LRRC74A: variants seen among roughly 807,000 people sequenced by gnomAD.
LRRC74A encodes leucine-rich repeat-containing protein 74A.
A neutral mutation model predicts 57.9 loss-of-function variants in LRRC74A; 44 were observed. The ratio of observed to expected loss-of-function variants is 0.76; its 90% CI spans 0.60 to 0.98. The LOEUF (loss-of-function observed/expected upper bound fraction) is 0.98. Among genes scored for constraint, LRRC74A ranks in the 50% least tolerant of loss-of-function variants. The pLI is 0.00. For missense variants in LRRC74A, 572 were observed against 574.0 expected (o/e 1.00, Z 0.04); for synonymous variants, 211 against 219.4 (o/e 0.96, Z 0.34).
chr14:76,861,280 C>T (rs1158488876), intron 11 of LRRC74A, among the ~76,000 whole-genome samples: 1 of 152,242 alleles, frequency 6.6e-6, no homozygotes, highest in Non-Finnish European at 1.5e-5. Flanking sequence ...ATAGAACAAG[C>T]ACCTGCTTAT....
In LRRC74A at chr14:76,826,625, A is replaced by G; in HGVS notation, c.-73A>G. On this transcript the variant is annotated 5_prime_UTR_variant, in exon 1 of 14. Coordinates refer to ENST00000689127, the MANE Select transcript of LRRC74A (RefSeq NM_001385106.1). The stretch of plus-strand genomic sequence containing the variant: ...GAGTTTGAGACAGAGGTGAATGGAC[A>G]GGTGTGCTTCTTAGGGAAGCAGTCG... The G allele has an allele frequency of 2.5e-6, 4 of 1,611,310 alleles. No homozygotes were observed. Among genetic ancestry groups the G allele is most frequent in the Non-Finnish European group, 3.4e-6 (4 of 1,178,754 alleles).
intron 11 of LRRC74A, among the ~76,000 whole-genome samples, chr14:76,865,087 AT>A (rs967353882): frequency 7.4e-4 from 113 of 152,326 alleles, no homozygotes; most frequent in African/African-American, 2.6e-3. Flanking sequence ...TTTATGGGTG[AT>A]TTTTAAAATT....
At chr14:76,850,760 C>T (rs759824986) in intron 7 of LRRC74A, among the ~76,000 whole-genome samples, 22 of 147,350 alleles carry the variant, frequency 1.5e-4, no homozygotes, top group African/African-American at 5.2e-4. Context: ...CCCAGCTGCC[C>T]GGGAGGCTGA....
chr14:76,836,086 C>A lies in LRRC74A; in HGVS notation c.340-121C>A, dbSNP rs562823179. ...TCTGGTCTCCTCGCCCTTGCCAGGC[C>A]TTCAGAATTCCTAGCCTGCATCTCC... On this transcript the variant is annotated intron_variant, in intron 3 of 13. Transcript: ENST00000689127. 8 of 715,534 alleles carry A rather than the reference C, an allele frequency of 1.1e-5. No homozygotes were observed. The East Asian group carries it at 2.2e-4, about 20-fold the overall frequency. 44.3% of individuals were successfully genotyped at this position (715,534 alleles called of 1,614,324 possible).
chr14:76,865,486 T>C lies in LRRC74A; in HGVS notation c.1201-482T>C, dbSNP rs573165906. On this transcript the variant is annotated intron_variant, in intron 11 of 13. Transcript: ENST00000689127. ...CATTGAGGTGAAACTGTGAGAATCCTAGGAATTCGTAGAGCCAAACTGTCA... is the reference window on the plus strand; with the variant it reads ...CATTGAGGTGAAACTGTGAGAATCCCAGGAATTCGTAGAGCCAAACTGTCA... Among the ~76,000 whole-genome samples the C allele has an allele frequency of 2.0e-5, 3 of 152,358 alleles. No individual in the cohort carries two copies. In the South Asian group the frequency reaches 6.2e-4, roughly 32 times the overall value.
intron 10 of LRRC74A, among the ~76,000 whole-genome samples, chr14:76,859,252 C>A (rs898329573): frequency 9.9e-5 from 15 of 152,174 alleles, no homozygotes; most frequent in African/African-American, 3.6e-4. Flanking sequence ...TAGAAATGTT[C>A]TCTCAGGCGC....
At chr14:76,848,612 A>G (rs2140287085) in intron 7 of LRRC74A, among the ~76,000 whole-genome samples, 1 of 152,320 alleles carries the variant, frequency 6.6e-6, no homozygotes, top group South Asian at 2.1e-4. Context: ...AAAGAACACT[A>G]TACGCAACCA....
At chr14:76,837,377 G>A (rs2140268356) in intron 4 of LRRC74A, among the ~76,000 whole-genome samples, 1 of 152,024 alleles carries the variant, frequency 6.6e-6, no homozygotes, top group Admixed American at 6.5e-5. Flanking sequence ...AAAGAAAAGG[G>A]GGAACAACCA....
chr14:76,839,880 G>A (rs1382789832), intron 5 of LRRC74A, among the ~76,000 whole-genome samples: 5 of 151,940 alleles, frequency 3.3e-5, no homozygotes, highest in East Asian at 1.9e-4. Context: ...ATAGGTGCCC[G>A]CCACCACACC....
intron 5 of LRRC74A, among the ~76,000 whole-genome samples, chr14:76,841,757 G>A (rs1743500847): frequency 3.4e-5 from 5 of 146,376 alleles, no homozygotes; most frequent in Admixed American, 2.8e-4. Context: ...CTTGTTGCCA[G>A]GCTGGAGTGC....
At chr14:76,867,959 T>TG (rs1458544324) in intron 13 of LRRC74A, among the ~76,000 whole-genome samples, 1 of 152,216 alleles carries the variant, frequency 6.6e-6, no homozygotes, top group Non-Finnish European at 1.5e-5. Context: ...AAGTGAGGGA[T>TG]GCTGTATCTT....
chr14:76,848,894 G>A (rs1246426267), intron 7 of LRRC74A, among the ~76,000 whole-genome samples: 7 of 152,190 alleles, frequency 4.6e-5, no homozygotes, highest in Non-Finnish European at 8.8e-5. Context: ...AAGGGTGGGT[G>A]CGGGTGCAGT....
rs59087508 is a variant in LRRC74A at position 76,843,287 on chromosome 14, CAAAAAAAAAAAAAAAA to C, written c.545-1115_545-1100del. ...TGGGTGACAGAGCGAGACTCCGTCT[CAAAAAAAAAAAAAAAA>C]AAAAAAAAAAAAAAAAAAAACTTGT... On this transcript the variant is annotated intron_variant, in intron 5 of 13. Coordinates refer to ENST00000689127, the MANE Select transcript of LRRC74A (RefSeq NM_001385106.1). Among the ~76,000 whole-genome samples, 178 of 130,482 alleles carry C rather than the reference CAAAAAAAAAAAAAAAA, an allele frequency of 1.4e-3. 5 individuals carry two copies. Among genetic ancestry groups the C allele is most frequent in the Middle Eastern group, 3.8e-3 (1 of 266 alleles). The allele number at this position is 130,482 out of a possible 152,430, so 85.6% of individuals were successfully genotyped here.
chr14:76,863,451 T>G lies in LRRC74A; in HGVS notation c.1201-2517T>G, dbSNP rs573030829. Among the ~76,000 whole-genome samples the G allele has an allele frequency of 3.3e-5, 5 of 152,280 alleles. No individual in the cohort carries two copies. The South Asian group carries it at 1.0e-3, about 32-fold the overall frequency. ...TACGGTCAGGGCAGGTCCTTCCACC[T>G]GGAACACTTTTCTTCTTGCCCTCTG... On this transcript the variant is annotated intron_variant, in intron 11 of 13. Transcript: ENST00000689127.
intron 11 of LRRC74A, among the ~76,000 whole-genome samples, chr14:76,861,121 T>G (rs1309629567): frequency 1.3e-5 from 2 of 152,234 alleles, no homozygotes; most frequent in Admixed American, 1.3e-4. Flanking sequence ...CTCCTCCACC[T>G]GCTAGCGTAT....
chr14:76,852,479 G>A, intron 8 of LRRC74A, 29 bp downstream of exon 8: 2 of 1,524,214 alleles, frequency 1.3e-6, no homozygotes, highest in Non-Finnish European at 1.8e-6. Flanking sequence ...GTGATGTGTG[G>A]AGCCCAGTTG....
At chr14:76,845,277 T>C (rs145322479) in intron 7 of LRRC74A, among the ~76,000 whole-genome samples, 5 of 151,854 alleles carry the variant, frequency 3.3e-5, no homozygotes, top group African/African-American at 9.7e-5. Context: ...TGAGCCATGA[T>C]TGTGCCACTC....
intron 7 of LRRC74A, among the ~76,000 whole-genome samples, chr14:76,852,105 A>T (rs1350771742): frequency 6.6e-6 from 1 of 152,248 alleles, no homozygotes. Flanking sequence ...GTGATCAGAT[A>T]ATATCTGCCA....
intron 7 of LRRC74A, 73 bp downstream of exon 7, chr14:76,844,974 C>T: frequency 1.3e-6 from 1 of 756,872 alleles, no homozygotes; most frequent in South Asian, 1.6e-5. Flanking sequence ...CGGAATCTCC[C>T]TTTTAAACAT....
Sources: allele counts gnomAD v4.1 joint callset (sites outside exome capture counted in the v4.1 genomes callset), GRCh38; gene constraint gnomAD v4.1.1; transcripts MANE v1.5; gene names NCBI Gene and HGNC (gene_info 2026-07-23, HGNC 2026-07-21).